The following JSRP1 variants were observed in gnomAD, a reference collection of about 807,000 sequenced individuals.
JSRP1 encodes the protein junctional sarcoplasmic reticulum protein 1.
JSRP1 carries 29 observed loss-of-function variants against 21.4 expected under a neutral mutation model. The ratio of observed to expected loss-of-function variants is 1.36; its 90% CI spans 1.01 to 1.85. The LOEUF (loss-of-function observed/expected upper bound fraction) is 1.85. Ranked by LOEUF, JSRP1 falls within the 40% of genes most tolerant of loss-of-function variation. The pLI, the probability that JSRP1 is intolerant of heterozygous loss-of-function variation, is 0.00. For missense variants in JSRP1, 531 were observed against 461.5 expected (o/e 1.15, Z -1.38); for synonymous variants, 221 against 206.1 (o/e 1.07, Z -0.62).
At chr19:2,254,809 T>C (rs1426350924) in intron 2 of JSRP1, among the ~76,000 whole-genome samples, 2 of 151,860 alleles carry the variant, frequency 1.3e-5, no homozygotes, top group Admixed American at 1.3e-4. Context: ...GGAGGATCAC[T>C]TGAGCCTGGG....
At position 2,252,512 on chromosome 19, in the gene JSRP1, C is replaced by T. The variant is rs1243289244; in HGVS notation, c.813G>A (p.Arg271=). The T allele has an allele frequency of 1.2e-6, 2 of 1,612,030 alleles. No homozygotes were observed. The highest frequency in any genetic ancestry group is 1.3e-5 in the African/African-American group (1 of 74,760). ...GCTGGGGTAGGGCTTCCCGGGGCTCCCTGGCGGCCCGTGGCCTCTCCTCTT... is the reference window on the plus strand; with the variant it reads ...GCTGGGGTAGGGCTTCCCGGGGCTCTCTGGCGGCCCGTGGCCTCTCCTCTT... ...PRKEERPRAA[R]EPREALPQRW... is the part of the protein sequence containing the mutation. The change falls in exon 7 of 7, where the codon AGG becomes AGA. Residue 271 remains arginine, a synonymous_variant. Transcript: ENST00000300961.
chr19:2,253,723 C>G lies in JSRP1; in HGVS notation c.333G>C (p.Pro111=), dbSNP rs559302658. 208 of 1,491,318 alleles carry G rather than the reference C, an allele frequency of 1.4e-4. 1 individual carries two copies. The African/African-American group carries it at 2.8e-3, about 20-fold the overall frequency. The allele number at this position is 1,491,318 out of a possible 1,614,324, so 92.4% of individuals were successfully genotyped here. A position where few individuals can be genotyped will look rare whatever the true frequency, so the allele number is the denominator to read the frequency against. The change falls in exon 5 of 7, where the codon CCG becomes CCC. Residue 111 remains proline, a synonymous_variant. Transcript: ENST00000300961. ...CCCAGGGCAGCTCCTCGCTCAGGGC[C>G]GGGGGCGGCGGCGGCGGCTGCAGGG... The part of the protein sequence containing the change: ...APPLQPPPPP[P]ALSEELPWGD...
chr19:2,256,132 G>T (rs1340336352), intron 1 of JSRP1, among the ~76,000 whole-genome samples: 2 of 152,184 alleles, frequency 1.3e-5, no homozygotes, highest in African/African-American at 2.4e-5. Flanking sequence ...GGATTAGGGT[G>T]TCCCTGTATC....
intron 5 of JSRP1, 62 bp downstream of exon 5, chr19:2,253,558 T>C (rs1271484230): frequency 1.4e-5 from 19 of 1,368,944 alleles, no homozygotes; most frequent in Admixed American, 3.4e-5. Flanking sequence ...CGCCTTTCCT[T>C]GGAGGAATAG....
Position 2,253,775 on chromosome 19 carries a change from G to T in JSRP1, c.281C>A (p.Ala94Glu). 1 of 1,425,668 alleles carries T rather than the reference G, an allele frequency of 7.0e-7. No homozygotes were observed. The highest frequency in any genetic ancestry group is 9.1e-7 in the Non-Finnish European group (1 of 1,101,792). 88.3% of individuals were successfully genotyped at this position (1,425,668 alleles called of 1,614,324 possible). ...KAGASPRSVP[A>E]RKKAQTAPPL... Reference sequence around the variant, plus strand: ...CGGCGCGGTCTGCGCCTTCTTGCGCGCGGGGACGCTCCGAGGGCCTGCGGG... The same window carrying T: ...CGGCGCGGTCTGCGCCTTCTTGCGCTCGGGGACGCTCCGAGGGCCTGCGGG... Residue 94 changes from alanine (A) to glutamate (E), a missense_variant, in exon 5 of 7, where the codon GCG becomes GAG. Coordinates refer to ENST00000300961, the MANE Select transcript of JSRP1 (RefSeq NM_144616.4).
Position 2,255,267 on chromosome 19 carries a change from G to T in JSRP1, c.48C>A (p.Gly16=). ...AGTGGTCCTCCAGGGCCTGGCAGCT[G>T]CCCAGGCCGCCATCCAGCTCCTCCC... ...RAWEELDGGL[G]SCQALEDHSA... The change falls in exon 2 of 7, where the codon GGC becomes GGA. Residue 16 remains glycine (G), a synonymous_variant. Coordinates refer to ENST00000300961, the MANE Select transcript of JSRP1 (RefSeq NM_144616.4). 6.2e-7 allele frequency: 1 copy of T among 1,611,290 alleles called. No homozygotes were observed. The highest frequency in any genetic ancestry group is 1.3e-5 in the African/African-American group (1 of 74,996).
rs748362353 is a variant in JSRP1, at chr19:2,255,351, G to A, written c.-30-7C>T. ...CAGCAGGTCCCAGGCCAGGCTGGGAGGGGTGGGGAACAAGGTCTTGCATTT... is the reference window on the plus strand; with the variant it reads ...CAGCAGGTCCCAGGCCAGGCTGGGAAGGGTGGGGAACAAGGTCTTGCATTT... On this transcript the variant is annotated splice_region_variant and splice_polypyrimidine_tract_variant and intron_variant, in intron 1 of 6. Coordinates refer to ENST00000300961, the MANE Select transcript of JSRP1 (RefSeq NM_144616.4). 4 of 1,407,386 alleles carry A rather than the reference G, an allele frequency of 2.8e-6. No individual in the cohort carries two copies. The South Asian group carries it at 4.8e-5, about 17-fold the overall frequency. 87.2% of individuals were successfully genotyped at this position (1,407,386 alleles called of 1,614,324 possible).
chr19:2,255,082 T>G (rs1413913174), intron 2 of JSRP1, 124 bp downstream of exon 2: 4 of 560,436 alleles, frequency 7.1e-6, no homozygotes, highest in Non-Finnish European at 9.3e-6. Flanking sequence ...GGGTTGAACA[T>G]GGGGAGCACA....
rs773125309 is a variant in JSRP1 at position 2,252,433 on chromosome 19, C to T, written c.892G>A (p.Ala298Thr). 28 of 1,610,084 alleles carry T rather than the reference C, an allele frequency of 1.7e-5. No individual in the cohort carries two copies. The highest frequency in any genetic ancestry group is 2.0e-4 in the Middle Eastern group (1 of 4,976). ...HRPWARDSRD[A>T]EPRKKQAWVS... ...CAGGCCTGCTTCTTCCTGGGCTCGG[C>T]GTCCCTGGAGTCCCGTGCCCACGGC... is the stretch of plus-strand genomic sequence containing the variant. Residue 298 changes from alanine (A) to threonine (T), a missense_variant, in exon 7 of 7, where the codon GCC becomes ACC. Transcript: ENST00000300961.
At chr19:2,253,971 G>C (rs1038061439) in intron 4 of JSRP1, among the ~76,000 whole-genome samples, 178 bp from the exon 5 acceptor site, 9 of 152,232 alleles carry the variant, frequency 5.9e-5, no homozygotes, top group Admixed American at 5.9e-4. Context: ...GGGATGCCTA[G>C]AGTTTCTGGA....
intron 5 of JSRP1, among the ~76,000 whole-genome samples, chr19:2,253,211 A>T (rs1362988246): frequency 6.6e-6 from 1 of 152,090 alleles, no homozygotes; most frequent in South Asian, 2.1e-4. Context: ...CGCTCTTTCA[A>T]TTGGTCATTC....
At chr19:2,255,891 C>A (rs532991514) in intron 1 of JSRP1, among the ~76,000 whole-genome samples, 24 of 152,300 alleles carry the variant, frequency 1.6e-4, no homozygotes, top group African/African-American at 4.8e-4. Flanking sequence ...AGCAGCAGAA[C>A]CATCCTGGCT....
intron 4 of JSRP1, 85 bp from the exon 5 acceptor site, chr19:2,253,878 G>A (rs2025108173): frequency 7.6e-7 from 1 of 1,319,734 alleles, no homozygotes; most frequent in Non-Finnish European, 9.7e-7. Flanking sequence ...AGACAGGCCT[G>A]TGCCCTGAAC....
At chr19:2,254,095 C>T (rs967765330) in intron 4 of JSRP1, 92 bp downstream of exon 4, 62 of 1,010,266 alleles carry the variant, frequency 6.1e-5, no homozygotes, top group Non-Finnish European at 8.0e-5. Flanking sequence ...CAGGACACCA[C>T]CCTCCAAGAT....
chr19:2,253,088 C>G (rs867050148), intron 5 of JSRP1, 85 bp from the exon 6 acceptor site: 1 of 961,258 alleles, frequency 1.0e-6, no homozygotes. Context: ...TAGAGCCCCC[C>G]TCCCTGGACA....
Position 2,255,316 on chromosome 19 carries a change from G to A in JSRP1, c.-2C>T, listed in dbSNP as rs776326695. On this transcript the variant is annotated 5_prime_UTR_variant, in exon 2 of 7. Transcript: ENST00000300961. Reference sequence around the variant, plus strand: ...CCAGGCTCTGGTTGTCATGGACATGGCTGGAGCAGCAGCAGGTCCCAGGCC... The same window carrying A: ...CCAGGCTCTGGTTGTCATGGACATGACTGGAGCAGCAGCAGGTCCCAGGCC... 1 of 1,601,568 alleles carries A rather than the reference G, an allele frequency of 6.2e-7. No individual in the cohort carries two copies.
intron 2 of JSRP1, 83 bp downstream of exon 2, chr19:2,255,123 A>C (rs2025128227): frequency 4.6e-6 from 4 of 869,562 alleles, no homozygotes; most frequent in Non-Finnish European, 5.4e-6. Context: ...GGAGGCTAAG[A>C]AGCTCTAGTC....
Position 2,252,750 on chromosome 19 carries a change from C to G in JSRP1, c.575G>C (p.Arg192Pro). Reference sequence around the variant, plus strand: ...CTTGGGTCTGACCTCTGCCTCGGCCCGGGGCGCAGGCGGCGCTGATGGAGG... The same window carrying G: ...CTTGGGTCTGACCTCTGCCTCGGCCGGGGGCGCAGGCGGCGCTGATGGAGG... ...QAPPSAPPAP[R>P]AEAEVRPKIP... The change falls in exon 7 of 7, where the codon CGG (arginine) becomes CCG (proline). Residue 192 changes from arginine (R) to proline (P), a missense_variant. By Grantham distance (103) the Arg-to-Pro change is moderately radical (BLOSUM62 -2). Transcript: ENST00000300961. 1.9e-6 allele frequency: 3 copies of G among 1,612,534 alleles called. No homozygotes were observed. The highest frequency in any genetic ancestry group is 2.5e-6 in the Non-Finnish European group (3 of 1,179,870).
chr19:2,255,872 T>TCGGG (rs1453708440), intron 1 of JSRP1, among the ~76,000 whole-genome samples: 2 of 152,056 alleles, frequency 1.3e-5, no homozygotes, highest in African/African-American at 4.8e-5. Flanking sequence ...GTCTACAGGC[T>TCGGG]CAGGCCCCAG....
Sources: gnomAD v4.1 joint callset for allele counts (sites outside exome capture counted in the v4.1 genomes callset) on GRCh38, gnomAD v4.1.1 for gene constraint, MANE v1.5 for transcripts, NCBI Gene and HGNC (gene_info 2026-07-23, HGNC 2026-07-21) for gene names.